The following CD5 variants were observed in gnomAD, a reference collection of about 807,000 sequenced individuals.
CD5 encodes CD5 molecule.
A neutral mutation model predicts 60.3 loss-of-function variants in CD5; 36 were observed. The observed-to-expected ratio is 0.60, with a 90% CI of 0.46 to 0.79. The LOEUF is 0.79. Among genes scored for constraint, CD5 ranks in the 30% least tolerant of loss-of-function variants. The pLI, the probability that CD5 is intolerant of heterozygous loss-of-function variation, is 0.00. For synonymous variants in CD5, 230 were observed against 257.6 expected (o/e 0.89, Z 1.03); for missense variants, 540 against 630.6 (o/e 0.86, Z 1.54).
upstream of CD5, among the ~76,000 whole-genome samples, chr11:61,100,677 C>T (rs62646348): frequency 0.24 from 19,424 of 81,424 alleles, 4,324 homozygotes; most frequent in East Asian, 0.9. Flanking sequence ...AGATCACATT[C>T]ACACACATCA....
At chr11:61,113,062 T>C (rs984350709) in intron 1 of CD5, among the ~76,000 whole-genome samples, 1 of 152,174 alleles carries the variant, frequency 6.6e-6, no homozygotes, top group African/African-American at 2.4e-5. Flanking sequence ...CCTTGAGCCA[T>C]TGGCCCAGCT....
At position 61,123,015 on chromosome 11, in the gene CD5, A is replaced by C; in HGVS notation, c.1208A>C (p.Lys403Thr). The C allele has an allele frequency of 6.2e-7, 1 of 1,613,146 alleles. No homozygotes were observed. Among genetic ancestry groups the C allele is most frequent in the Non-Finnish European group, 8.5e-7 (1 of 1,179,578 alleles). The change falls in exon 7 of 11, where the codon AAG (lysine) becomes ACG (threonine). Residue 403 changes from lysine (K) to threonine (T), a missense_variant. Transcript: ENST00000347785. ...LLVVCGPLAY[K>T]KLVKKFRQKK... is the part of the protein sequence containing the mutation. ...GTCGTGTGCGGCCCCCTTGCCTACA[A>C]GAAGCTAGTGAAGAAATGTAGGTGT...
chr11:61,121,100 A>G (rs541150591), intron 5 of CD5, among the ~76,000 whole-genome samples: 23 of 152,374 alleles, frequency 1.5e-4, no homozygotes, highest in Middle Eastern at 3.4e-3. Context: ...CTCAGCGTTC[A>G]GTGCCTGGGC....
In CD5 at chr11:61,121,605, T is replaced by G. The variant is rs1010441020; in HGVS notation, c.806-6T>G. On this transcript the variant is annotated splice_polypyrimidine_tract_variant and splice_region_variant and intron_variant, in intron 5 of 10. Transcript: ENST00000347785. Reference sequence around the variant, plus strand: ...CACCCTCCTTTCCCATTGCTTCCCCTCTCAGGTTTCCAGCCCAAGGTGCAG... The same window carrying G: ...CACCCTCCTTTCCCATTGCTTCCCCGCTCAGGTTTCCAGCCCAAGGTGCAG... 1.4e-6 allele frequency: 2 copies of G among 1,455,862 alleles called. No homozygotes were observed. The highest frequency in any genetic ancestry group is 1.8e-6 in the Non-Finnish European group (2 of 1,100,678). 90.2% of individuals were successfully genotyped at this position (1,455,862 alleles called of 1,614,324 possible). A position where few individuals can be genotyped will look rare whatever the true frequency, so the allele number is the denominator to read the frequency against.
Position 61,115,111 on chromosome 11 carries a change from T to C in CD5, c.94+17T>C. The C allele has an allele frequency of 1.3e-6, 2 of 1,551,876 alleles. No individual in the cohort carries two copies. The highest frequency in any genetic ancestry group is 1.7e-6 in the Non-Finnish European group (2 of 1,146,992). ...ATGACCCAGGTAAGGAAGAGCCACA[T>C]GGAGAAAGGCCTGGGGCAGGGGGAG... On this transcript the variant is annotated intron_variant, in intron 2 of 10. Coordinates refer to ENST00000347785, the MANE Select transcript of CD5 (RefSeq NM_014207.4).
chr11:61,106,989 T>C (rs1437575852), intron 1 of CD5, among the ~76,000 whole-genome samples: 1 of 152,166 alleles, frequency 6.6e-6, no homozygotes, highest in Non-Finnish European at 1.5e-5. Flanking sequence ...GGAAAATCCC[T>C]GCCCTGGTGG....
intron 8 of CD5, 96 bp from the exon 9 acceptor site, chr11:61,124,936 T>C (rs1356264450): frequency 2.8e-5 from 41 of 1,487,374 alleles, no homozygotes; most frequent in Non-Finnish European, 3.6e-5. Flanking sequence ...CCCGCTAACA[T>C]CATGGGAATA....
Position 61,119,132 on chromosome 11 carries a change from G to A in CD5, c.464-102G>A, listed in dbSNP as rs142388374. ...ACCCCATCACCTCCCAAGGCTAAGC[G>A]TTAGTCAGTAGTTGTCCACAAGTTG... On this transcript the variant is annotated intron_variant, in intron 4 of 10. Transcript: ENST00000347785. The A allele has an allele frequency of 1.8e-4, 228 of 1,241,154 alleles. 3 individuals are homozygous for A. In the African/African-American group the frequency reaches 3.0e-3, roughly 17 times the overall value. The allele number at this position is 1,241,154 out of a possible 1,614,324, so 76.9% of individuals were successfully genotyped here.
intron 7 of CD5, 42 bp from the exon 8 acceptor site, chr11:61,123,842 T>A: frequency 4.2e-5 from 12 of 286,530 alleles, no homozygotes; most frequent in Non-Finnish European, 6.5e-5. Flanking sequence ...CACCCATACC[T>A]GCCCCCACCA....
At chr11:61,125,729 A>T in intron 9 of CD5, 22 bp from the exon 10 acceptor site, 1 of 1,583,628 alleles carries the variant, frequency 6.3e-7, no homozygotes. Context: ...CCCTCTGCAA[A>T]CAGCGTCCTT....
In CD5 at chr11:61,123,184, T is replaced by C. The variant is rs919393392; in HGVS notation, c.1225+152T>C. 2.4e-5 allele frequency: 22 copies of C among 906,606 alleles called. No homozygotes were observed. In the Middle Eastern group the frequency reaches 7.7e-4, roughly 32 times the overall value. The allele number at this position is 906,606 out of a possible 1,614,324, so 56.2% of individuals were successfully genotyped here. A position where few individuals can be genotyped will look rare whatever the true frequency, so the allele number is the denominator to read the frequency against. ...CCCAGCCTTCCCCTCTCCTGCCCAT[T>C]AGCCATTTTCTGCCCCAAGTAACAG... On this transcript the variant is annotated intron_variant, in intron 7 of 10. Coordinates refer to ENST00000347785, the MANE Select transcript of CD5 (RefSeq NM_014207.4).
chr11:61,100,097 C>A (rs1407640310), upstream of CD5, among the ~76,000 whole-genome samples: 1 of 115,686 alleles, frequency 8.6e-6, no homozygotes, highest in South Asian at 3.3e-4. Context: ...ACATGGAGAT[C>A]ACACACACAT....
chr11:61,100,441 ACAC>A (rs1860652841), upstream of CD5, among the ~76,000 whole-genome samples: 1 of 148,672 alleles, frequency 6.7e-6, no homozygotes, highest in African/African-American at 2.5e-5. Context: ...GATCACACAC[ACAC>A]AACATGGAGA....
intron 1 of CD5, 145 bp downstream of exon 1, chr11:61,102,760 T>A: frequency 1.4e-6 from 1 of 722,984 alleles, no homozygotes; most frequent in Non-Finnish European, 2.3e-6. Flanking sequence ...CTGGGATCCC[T>A]GCCTGCCCCC....
chr11:61,123,942 G>A lies in CD5; in HGVS notation c.1279+5G>A. 6.2e-7 allele frequency: 1 copy of A among 1,612,722 alleles called. No individual in the cohort carries two copies. The highest frequency in any genetic ancestry group is 1.1e-5 in the South Asian group (1 of 91,018). On this transcript the variant is annotated splice_donor_5th_base_variant and intron_variant, in intron 8 of 10. Coordinates refer to ENST00000347785, the MANE Select transcript of CD5 (RefSeq NM_014207.4). The stretch of plus-strand genomic sequence containing the variant: ...CAACGGGAATGAACCAAAACAGTAA[G>A]TGTCCCCGGAGGCAGGAGCCTCCCT...
chr11:61,111,945 T>A (rs551623241), intron 1 of CD5, among the ~76,000 whole-genome samples: 3 of 152,196 alleles, frequency 2.0e-5, no homozygotes, highest in African/African-American at 7.2e-5. Context: ...CCTCATGCTA[T>A]GAGTGAGGAA....
intron 5 of CD5, among the ~76,000 whole-genome samples, chr11:61,120,621 G>T (rs1004008692): frequency 6.6e-6 from 1 of 152,068 alleles, no homozygotes; most frequent in South Asian, 2.1e-4. Context: ...TGGACCTTCC[G>T]AATCAGAATC....
chr11:61,102,458 A>ACC, upstream of CD5: 2 of 313,950 alleles, frequency 6.4e-6, no homozygotes, highest in South Asian at 2.5e-5. Flanking sequence ...CTCCCTGAGC[A>ACC]CGCCACCCCG....
chr11:61,115,995 C>T (rs1210762432), intron 2 of CD5, among the ~76,000 whole-genome samples: 1 of 152,216 alleles, frequency 6.6e-6, no homozygotes, highest in Non-Finnish European at 1.5e-5. Flanking sequence ...AATCACCCCA[C>T]CAATGTTAGG....
Sources: gnomAD v4.1 joint callset for allele counts (sites outside exome capture counted in the v4.1 genomes callset) on GRCh38, gnomAD v4.1.1 for gene constraint, MANE v1.5 for transcripts, NCBI Gene and HGNC (gene_info 2026-07-23, HGNC 2026-07-21) for gene names.